The following WRN variants were observed in gnomAD, a reference collection of about 807,000 sequenced individuals.
WRN encodes WRN RecQ like helicase, also known as bifunctional 3'-5' exonuclease/ATP-dependent helicase WRN.
WRN carries 149 observed loss-of-function variants against 180.7 expected under a neutral mutation model. The observed-to-expected ratio is 0.82, with a 90% CI of 0.72 to 0.94. The LOEUF is 0.94. Among genes scored for constraint, WRN ranks in the 40% least tolerant of loss-of-function variants. WRN has a pLI of 0.00. For synonymous variants in WRN, 548 were observed against 568.9 expected, an observed-to-expected ratio of 0.96 and a Z score of 0.52; for missense variants, 1,661 against 1,700.1, an observed-to-expected ratio of 0.98 and a Z score of 0.40.
rs1198758450 is a variant in WRN, at chr8:31,064,395, G to A, written c.316G>A (p.Glu106Lys). The A allele has an allele frequency of 2.5e-6, 4 of 1,614,014 alleles. No individual in the cohort carries two copies. Among genetic ancestry groups the A allele is most frequent in the Non-Finnish European group, 3.4e-6 (4 of 1,180,016 alleles). Residue 106 changes from glutamate to lysine, a missense_variant, in exon 4 of 35, where the codon GAG becomes AAG. By Grantham distance (56) the Glu-to-Lys change is moderately conservative. Transcript: ENST00000298139. ...KVALIQLCVS[E>K]SKCYLFHVSS... ...TGCACTAATTCAGTTGTGTGTTTCT[G>A]AGAGCAAATGTTACTTGTTCCACGT...
At chr8:31,101,010 T>A in intron 18 of WRN, 55 bp downstream of exon 18, 1 of 1,459,830 alleles carries the variant, frequency 6.9e-7, no homozygotes, top group Non-Finnish European at 9.6e-7. Context: ...AGGAGAGCAT[T>A]CAGGATTGGG....
At position 31,064,419 on chromosome 8, in the gene WRN, G is replaced by T. The variant is rs2230009; in HGVS notation, c.340G>T (p.Val114Phe). The change falls in exon 4 of 35, where the codon GTT (valine) becomes TTT (phenylalanine). Residue 114 changes from valine to phenylalanine, a missense_variant. By Grantham distance (50) the Val-to-Phe change is conservative. Coordinates refer to ENST00000298139, the MANE Select transcript of WRN (RefSeq NM_000553.6). ...VSESKCYLFH[V>F]SSMSVFPQGL... ...TGAGAGCAAATGTTACTTGTTCCAC[G>T]TTTCTTCCATGTCAGGTTGGTATCT... 1 of 1,613,890 alleles carries T rather than the reference G, an allele frequency of 6.2e-7. No homozygotes were observed. Among genetic ancestry groups the T allele is most frequent in the African/African-American group, 1.3e-5 (1 of 74,960 alleles).
chr8:31,125,538 A>AT (rs1491173839), intron 23 of WRN, among the ~76,000 whole-genome samples: 1 of 16,086 alleles, frequency 6.2e-5, no homozygotes, highest in African/African-American at 2.1e-4. Context: ...TATTATGGAG[A>AT]TATATATATA....
intron 1 of WRN, among the ~76,000 whole-genome samples, chr8:31,034,958 C>G (rs1811392018): frequency 6.6e-6 from 1 of 152,176 alleles, no homozygotes; most frequent in South Asian, 2.1e-4. Flanking sequence ...TTATCCAGCT[C>G]AGACCGGGAG....
rs1318427246 is a variant in WRN, at chr8:31,067,049, C to T, written c.521C>T (p.Thr174Ile). 4 of 1,613,804 alleles carry T rather than the reference C, an allele frequency of 2.5e-6. 1 individual carries two copies. In the South Asian group the frequency reaches 3.3e-5, roughly 13 times the overall value. ...VANKKLKCTE[T>I]WSLNSLVKHL... is the part of the protein sequence containing the mutation. The stretch of plus-strand genomic sequence containing the variant: ...CATTTCTAGCTGAAATGCACAGAGA[C>T]CTGGAGCCTTAACAGTCTGGTTAAA... The change falls in exon 6 of 35, where the codon ACC becomes ATC. Residue 174 changes from threonine to isoleucine, a missense_variant. By Grantham distance (89) the Thr-to-Ile change is moderately conservative (BLOSUM62 -1). This residue lies in a region of WRN where 500 missense variants were observed against 504.1 expected (regional missense o/e 0.99). Coordinates refer to ENST00000298139, the MANE Select transcript of WRN (RefSeq NM_000553.6).
intron 22 of WRN, 57 bp downstream of exon 22, chr8:31,124,680 GACA>G: frequency 1.3e-6 from 2 of 1,487,290 alleles, no homozygotes; most frequent in South Asian, 1.1e-5. Flanking sequence ...GCTCTTTTAA[GACA>G]ACAATTTGGC....
intron 23 of WRN, among the ~76,000 whole-genome samples, chr8:31,130,025 C>CA (rs1230671171): frequency 0.013 from 794 of 60,190 alleles, 16 homozygotes; most frequent in East Asian, 0.13. Context: ...CAAAACAAAA[C>CA]AAAAAAAAAA....
At chr8:31,067,350 C>A (rs538000653) in intron 6 of WRN, among the ~76,000 whole-genome samples, 168 bp downstream of exon 6, 1 of 152,162 alleles carries the variant, frequency 6.6e-6, no homozygotes, top group East Asian at 1.9e-4. Flanking sequence ...TATTCATTTT[C>A]GATATTAATT....
At chr8:31,128,484 T>C (rs1313067471) in intron 23 of WRN, among the ~76,000 whole-genome samples, 1 of 152,194 alleles carries the variant, frequency 6.6e-6, no homozygotes, top group African/African-American at 2.4e-5. Context: ...TTCAGCACTC[T>C]TAGAACTCAC....
chr8:31,162,078 A>G (rs1803644775), intron 33 of WRN, among the ~76,000 whole-genome samples: 1 of 152,076 alleles, frequency 6.6e-6, no homozygotes, highest in African/African-American at 2.4e-5. Context: ...CTTGAAACTA[A>G]AACAAAAGTT....
At chr8:31,157,157 C>T (rs1361074299) in intron 32 of WRN, among the ~76,000 whole-genome samples, 1 of 152,014 alleles carries the variant, frequency 6.6e-6, no homozygotes, top group Non-Finnish European at 1.5e-5. Flanking sequence ...TTATTCAATA[C>T]AGTATAATAA....
At chr8:31,042,378 T>C (rs76244664) in intron 1 of WRN, among the ~76,000 whole-genome samples, 3,370 of 152,256 alleles carry the variant, frequency 0.022, 84 homozygotes, top group East Asian at 0.073. Context: ...GTTTTGATGG[T>C]GATGGTCATG....
intron 23 of WRN, among the ~76,000 whole-genome samples, chr8:31,125,537 G>GATAGATATATATATAT (rs1554529384): frequency 1.6e-5 from 1 of 63,766 alleles, no homozygotes; most frequent in Non-Finnish European, 3.0e-5. Context: ...ATATTATGGA[G>GATAGATATATATATAT]ATATATATAT....
intron 1 of WRN, among the ~76,000 whole-genome samples, chr8:31,039,264 A>G (rs913455156): frequency 5.9e-5 from 9 of 152,180 alleles, no homozygotes; most frequent in Non-Finnish European, 1.2e-4. Flanking sequence ...TGTAGTTTTC[A>G]GAGTACACGT....
In WRN at chr8:31,173,593, C is replaced by G. The variant is rs2130531810; in HGVS notation, c.*491C>G. On this transcript the variant is annotated 3_prime_UTR_variant, in exon 35 of 35. Transcript: ENST00000298139. Reference sequence around the variant, plus strand: ...ACGTTGTTAAATGGTATTAGTTGACCAGGGCAGTGAAAATGAAACCGCATT... The same window carrying G: ...ACGTTGTTAAATGGTATTAGTTGACGAGGGCAGTGAAAATGAAACCGCATT... 1 of 174,914 alleles carries G rather than the reference C, an allele frequency of 5.7e-6. No individual in the cohort carries two copies. Among genetic ancestry groups the G allele is most frequent in the Middle Eastern group, 2.4e-3 (1 of 424 alleles). 10.8% of individuals were successfully genotyped at this position (174,914 alleles called of 1,614,324 possible). A position where few individuals can be genotyped will look rare whatever the true frequency, so the allele number is the denominator to read the frequency against.
chr8:31,034,217 G>A (rs1467423477), intron 1 of WRN, among the ~76,000 whole-genome samples: 1 of 152,108 alleles, frequency 6.6e-6, no homozygotes. Flanking sequence ...CCAGCTTGAT[G>A]TTTACCTTGC....
chr8:31,173,028 G>C lies in WRN; in HGVS notation c.4225G>C (p.Val1409Leu). The C allele has an allele frequency of 6.2e-7, 1 of 1,613,956 alleles. No individual in the cohort carries two copies. The highest frequency in any genetic ancestry group is 8.5e-7 in the Non-Finnish European group (1 of 1,179,966). Residue 1409 changes from valine to leucine, a missense_variant, in exon 35 of 35, where the codon GTG becomes CTG. Physicochemically the swap from Val to Leu is conservative, Grantham distance 32. Coordinates refer to ENST00000298139, the MANE Select transcript of WRN (RefSeq NM_000553.6). ...TGCAGAGAGAAAGAGACGATTACCT[G>C]TGTGGTTTGCCAAAGGAAGTGATAC... ...SSAERKRRLP[V>L]WFAKGSDTSK...
At position 31,150,329 on chromosome 8, in the gene WRN, T is replaced by C; in HGVS notation, c.3573-12T>C. 6.2e-7 allele frequency: 1 copy of C among 1,607,262 alleles called. No homozygotes were observed. Among genetic ancestry groups the C allele is most frequent in the Non-Finnish European group, 8.5e-7 (1 of 1,173,716 alleles). On this transcript the variant is annotated splice_polypyrimidine_tract_variant and intron_variant, in intron 30 of 34. Transcript: ENST00000298139. ...ACCTTTTTGTTGTTGTTGTTGTTGT[T>C]GTTAAACACAGACCAACTACGGTTG...
intron 1 of WRN, among the ~76,000 whole-genome samples, chr8:31,055,734 C>A (rs770248804): frequency 1.3e-5 from 2 of 152,102 alleles, no homozygotes; most frequent in African/African-American, 2.4e-5. Context: ...CTCTGATTTG[C>A]TGTGCAGAAG....
Sources: allele counts gnomAD v4.1 joint callset (sites outside exome capture counted in the v4.1 genomes callset), GRCh38; gene constraint gnomAD v4.1.1; regional missense constraint gnomAD v4.1.1; transcripts MANE v1.5; gene names NCBI Gene and HGNC (gene_info 2026-07-23, HGNC 2026-07-21).